PIP5K1C: variants seen among roughly 807,000 people sequenced by gnomAD.
PIP5K1C encodes the protein phosphatidylinositol-4-phosphate 5-kinase type 1 gamma.
Under a neutral mutation model 80.1 loss-of-function variants are expected in PIP5K1C, and 45 were observed. That is an observed-to-expected ratio of 0.56 (90% confidence interval 0.44 to 0.72). PIP5K1C has a LOEUF of 0.72. Among genes scored for constraint, PIP5K1C ranks in the 30% least tolerant of loss-of-function variants. PIP5K1C has a pLI of 0.00. For synonymous variants in PIP5K1C, 498 were observed against 420.1 expected (o/e 1.19, Z -2.27); for missense variants, 753 against 954.6 (o/e 0.79, Z 2.78).
chr19:3,676,569 C>A (rs1450095926), intron 1 of PIP5K1C, among the ~76,000 whole-genome samples: 1 of 152,234 alleles, frequency 6.6e-6, no homozygotes, highest in Non-Finnish European at 1.5e-5. Flanking sequence ...TCCCCGACGG[C>A]GCGTGGCCAG....
chr19:3,700,106 G>C (rs1041763381), intron 1 of PIP5K1C, among the ~76,000 whole-genome samples, 191 bp downstream of exon 1: 1 of 151,890 alleles, frequency 6.6e-6, no homozygotes, highest in African/African-American at 2.4e-5. Flanking sequence ...CCCCTCGCAG[G>C]CCTCCCGCTT....
chr19:3,699,951 C>T (rs1174233997), intron 1 of PIP5K1C, among the ~76,000 whole-genome samples: 1 of 152,198 alleles, frequency 6.6e-6, no homozygotes, highest in African/African-American at 2.4e-5. Context: ...AGGAGGTGGG[C>T]ACGCACGGCC....
At chr19:3,667,988 C>G (rs772262082) in intron 1 of PIP5K1C, among the ~76,000 whole-genome samples, 21 of 152,162 alleles carry the variant, frequency 1.4e-4, no homozygotes, top group Non-Finnish European at 2.9e-4. Context: ...CCTCCCTGCC[C>G]CTCTCCAGAG....
intron 16 of PIP5K1C, chr19:3,636,753 G>A: frequency 1.0e-6 from 1 of 987,022 alleles, no homozygotes; most frequent in Non-Finnish European, 1.2e-6. Context: ...TGGGCGGGGA[G>A]TCACGGCGGC....
At chr19:3,698,068 C>T (rs1327315635) in intron 1 of PIP5K1C, among the ~76,000 whole-genome samples, 2 of 152,258 alleles carry the variant, frequency 1.3e-5, no homozygotes, top group African/African-American at 2.4e-5. Context: ...CAGCCTCCCT[C>T]GGCCCCTGTC....
Position 3,647,391 on chromosome 19 carries a change from G to A in PIP5K1C, c.1212-5C>T, listed in dbSNP as rs751629440. ...TGCTCCAGTTTCTTGATGAACCTGT[G>A]GAGAGAGCACCCGGAGTGGCAGCTG... On this transcript the variant is annotated splice_polypyrimidine_tract_variant and splice_region_variant and intron_variant, in intron 9 of 17. Transcript: ENST00000335312. The A allele has an allele frequency of 2.5e-6, 4 of 1,581,214 alleles. No homozygotes were observed. In the South Asian group the frequency reaches 4.6e-5, roughly 18 times the overall value.
At position 3,696,906 on chromosome 19, in the gene PIP5K1C, G is replaced by A. The variant is rs1396899250; in HGVS notation, c.94+3391C>T. On this transcript the variant is annotated intron_variant, in intron 1 of 17. Coordinates refer to ENST00000335312, the MANE Select transcript of PIP5K1C (RefSeq NM_012398.3). The surrounding 1 kb of genome is among the most constrained non-coding windows in gnomAD (Gnocchi z 4.1). ...TTTAATGGGGTCCTCCTGGAATGTG[G>A]GACAGGGAGCAGAGGAAGAGCAGGG... 6.6e-6 allele frequency among the ~76,000 whole-genome samples: 1 copy of A among 152,218 alleles called. No homozygotes were observed. The highest frequency in any genetic ancestry group is 2.4e-5 in the African/African-American group (1 of 41,446).
chr19:3,692,190 G>A lies in PIP5K1C; in HGVS notation c.94+8107C>T, dbSNP rs942480491. 5.3e-5 allele frequency among the ~76,000 whole-genome samples: 8 copies of A among 152,168 alleles called. No individual in the cohort carries two copies. The highest frequency in any genetic ancestry group is 8.8e-5 in the Non-Finnish European group (6 of 68,020). ...TTTCCAAATGAGGAAACTGAGGCAC[G>A]GAGCGGCTGGGCAACCGAACCCAAT... On this transcript the variant is annotated intron_variant, in intron 1 of 17. Coordinates refer to ENST00000335312, the MANE Select transcript of PIP5K1C (RefSeq NM_012398.3). This position sits in a 1 kb window ranked among gnomAD's most constrained non-coding sequence, Gnocchi z 5.2.
chr19:3,698,360 G>A (rs1235506836), intron 1 of PIP5K1C, among the ~76,000 whole-genome samples: 2 of 152,264 alleles, frequency 1.3e-5, no homozygotes, highest in Non-Finnish European at 2.9e-5. Flanking sequence ...GAAGCGCGGA[G>A]CTGGGAGGGG....
At chr19:3,681,375 C>T (rs1286473633) in intron 1 of PIP5K1C, among the ~76,000 whole-genome samples, 3 of 151,984 alleles carry the variant, frequency 2.0e-5, no homozygotes, top group East Asian at 3.9e-4. Flanking sequence ...GGATTACAGG[C>T]GTTCACCACT....
intron 5 of PIP5K1C, among the ~76,000 whole-genome samples, chr19:3,660,692 T>C (rs754964337): frequency 8.5e-5 from 13 of 152,070 alleles, no homozygotes; most frequent in Non-Finnish European, 1.5e-4. Context: ...CACCCTCGCC[T>C]GCTCTGATGA....
chr19:3,679,127 CT>C (rs1301451196), intron 1 of PIP5K1C, among the ~76,000 whole-genome samples: 1 of 152,042 alleles, frequency 6.6e-6, no homozygotes. Context: ...TTAAAAATCC[CT>C]TTCCCCCAGG....
At chr19:3,657,054 A>C (rs1319941148) in intron 5 of PIP5K1C, among the ~76,000 whole-genome samples, 1 of 152,104 alleles carries the variant, frequency 6.6e-6, no homozygotes, top group Non-Finnish European at 1.5e-5. Flanking sequence ...GATGGCTGGA[A>C]CCTCAGCAGC....
At chr19:3,670,162 C>T (rs748903278) in intron 1 of PIP5K1C, among the ~76,000 whole-genome samples, 28 of 152,086 alleles carry the variant, frequency 1.8e-4, no homozygotes, top group Non-Finnish European at 3.2e-4. Flanking sequence ...GGGCCGCATT[C>T]GAGACGCTGG....
chr19:3,635,707 C>T lies in PIP5K1C; in HGVS notation c.1921-2187G>A, dbSNP rs903575945. Reference sequence around the variant, plus strand: ...CAAAAAAAACAAACAAGGCTGGGCGCGGTGGCTTACGCCTGTAATCCCAGC... The same window carrying T: ...CAAAAAAAACAAACAAGGCTGGGCGTGGTGGCTTACGCCTGTAATCCCAGC... On this transcript the variant is annotated intron_variant, in intron 16 of 17. Transcript: ENST00000335312. Among the ~76,000 whole-genome samples the T allele has an allele frequency of 4.7e-5, 7 of 147,956 alleles. No individual in the cohort carries two copies. In the South Asian group the frequency reaches 1.1e-3, roughly 23 times the overall value.
At chr19:3,643,522 G>A (rs1005478665) in intron 12 of PIP5K1C, 141 bp from the exon 13 acceptor site, 15 of 958,208 alleles carry the variant, frequency 1.6e-5, no homozygotes, top group Admixed American at 1.1e-4. Context: ...CTCCCCACAC[G>A]GCAGGGAAGG....
At chr19:3,677,343 G>A (rs2035391110) in intron 1 of PIP5K1C, among the ~76,000 whole-genome samples, 1 of 152,292 alleles carries the variant, frequency 6.6e-6, no homozygotes, top group East Asian at 1.9e-4. Context: ...AGCACTTTGG[G>A]AGGCCGAGGC....
intron 8 of PIP5K1C, 145 bp downstream of exon 8, chr19:3,651,681 G>T: frequency 1.2e-6 from 1 of 832,184 alleles, no homozygotes; most frequent in Non-Finnish European, 1.9e-6. Flanking sequence ...TGAGGCGCTG[G>T]CACAAGGCTC....
At position 3,679,020 on chromosome 19, in the gene PIP5K1C, C is replaced by T. The variant is rs372313339; in HGVS notation, c.95-11667G>A. The stretch of plus-strand genomic sequence containing the variant: ...GAGGGATGGTGGGATGGAGGGATGG[C>T]GTGAACACAGCCAACTGCCAATTGC... On this transcript the variant is annotated intron_variant, in intron 1 of 17. Transcript: ENST00000335312. 3.3e-5 allele frequency among the ~76,000 whole-genome samples: 5 copies of T among 151,934 alleles called. No individual in the cohort carries two copies. In the East Asian group the frequency reaches 9.7e-4, roughly 29 times the overall value.
Sources: allele counts gnomAD v4.1 joint callset (sites outside exome capture counted in the v4.1 genomes callset), GRCh38; gene constraint gnomAD v4.1.1; non-coding constraint Gnocchi (gnomAD v3.1); transcripts MANE v1.5; gene names NCBI Gene and HGNC (gene_info 2026-07-23, HGNC 2026-07-21).